The following SPRED2 variants were observed in gnomAD, a reference collection of about 807,000 sequenced individuals.
SPRED2 encodes sprouty related EVH1 domain containing 2.
SPRED2 carries 47 observed loss-of-function variants against 43.0 expected under a neutral mutation model. The ratio of observed to expected loss-of-function variants is 1.09; its 90% CI spans 0.87 to 1.40. The LOEUF (loss-of-function observed/expected upper bound fraction) is 1.40, where lower values mean the gene tolerates loss of function less well. Ranked by LOEUF, SPRED2 falls within the 40% of genes most tolerant of loss-of-function variation. SPRED2 has a pLI of 0.00. For synonymous variants in SPRED2, 225 were observed against 225.7 expected, an observed-to-expected ratio of 1.00 and a Z score of 0.03; for missense variants, 561 against 586.4, an observed-to-expected ratio of 0.96 and a Z score of 0.45.
intron 4 of SPRED2, among the ~76,000 whole-genome samples, chr2:65,326,032 T>C (rs1673603847): frequency 6.6e-6 from 1 of 152,168 alleles, no homozygotes; most frequent in African/African-American, 2.4e-5. Flanking sequence ...GTAGAATTTC[T>C]GCCTTGTCTG....
intron 1 of SPRED2, among the ~76,000 whole-genome samples, chr2:65,424,408 C>T (rs1389096351): frequency 6.6e-6 from 1 of 152,078 alleles, no homozygotes; most frequent in African/African-American, 2.4e-5. Context: ...CAATTGATAA[C>T]TGTTTACAGA....
intron 1 of SPRED2, among the ~76,000 whole-genome samples, chr2:65,429,529 C>T (rs1339053781): frequency 6.6e-6 from 1 of 152,120 alleles, no homozygotes; most frequent in East Asian, 1.9e-4. Context: ...AATAAAACAA[C>T]AAAAAAGCAA....
intron 1 of SPRED2, among the ~76,000 whole-genome samples, chr2:65,430,277 A>G (rs1353589774): frequency 2.0e-5 from 3 of 152,224 alleles, no homozygotes; most frequent in Admixed American, 2.0e-4. Flanking sequence ...CGTCTGAAAT[A>G]GAAACACCAG....
chr2:65,426,692 T>TG (rs1307255367), intron 1 of SPRED2, among the ~76,000 whole-genome samples: 2 of 152,156 alleles, frequency 1.3e-5, no homozygotes, highest in Non-Finnish European at 2.9e-5. Flanking sequence ...CAGAGATGGC[T>TG]GGGGGCATGA....
intron 1 of SPRED2, among the ~76,000 whole-genome samples, chr2:65,356,714 G>A (rs769550088): frequency 9.2e-5 from 14 of 151,800 alleles, no homozygotes; most frequent in South Asian, 2.1e-4. Flanking sequence ...TTCTCTGGCC[G>A]GGCGCGGTGG....
intron 1 of SPRED2, among the ~76,000 whole-genome samples, chr2:65,351,584 C>A (rs1674511331): frequency 6.6e-6 from 1 of 152,222 alleles, no homozygotes; most frequent in Admixed American, 6.5e-5. Context: ...GGGAGCCAGG[C>A]ACACTCACTT....
At chr2:65,329,093 G>A (rs1244030694) in intron 4 of SPRED2, among the ~76,000 whole-genome samples, 2 of 152,188 alleles carry the variant, frequency 1.3e-5, no homozygotes, top group Non-Finnish European at 2.9e-5. Context: ...GACAACACCT[G>A]AGGTGGATGG....
At chr2:65,346,762 G>C (rs754195622) in intron 1 of SPRED2, among the ~76,000 whole-genome samples, 61 of 152,044 alleles carry the variant, frequency 4.0e-4, no homozygotes, top group Admixed American at 7.2e-4. Flanking sequence ...CCTCCCTCCA[G>C]TGCTTCTGAA....
intron 1 of SPRED2, among the ~76,000 whole-genome samples, chr2:65,405,564 A>G (rs867814534): frequency 6.6e-6 from 1 of 152,166 alleles, no homozygotes; most frequent in East Asian, 1.9e-4. Flanking sequence ...AACTCCCCCA[A>G]TTAAGTCCAA....
At chr2:65,419,491 G>T (rs1334878050) in intron 1 of SPRED2, among the ~76,000 whole-genome samples, 1 of 152,008 alleles carries the variant, frequency 6.6e-6, no homozygotes, top group African/African-American at 2.4e-5. Flanking sequence ...CCAGAATGCG[G>T]TTCATAACAA....
chr2:65,331,295 C>T (rs1196076454), intron 4 of SPRED2, among the ~76,000 whole-genome samples: 2 of 152,114 alleles, frequency 1.3e-5, no homozygotes, highest in Non-Finnish European at 2.9e-5. Flanking sequence ...AAATGCTGTC[C>T]CGCGTAACTT....
At chr2:65,379,012 A>G (rs900831956) in intron 1 of SPRED2, among the ~76,000 whole-genome samples, 2 of 152,098 alleles carry the variant, frequency 1.3e-5, no homozygotes, top group African/African-American at 4.8e-5. Flanking sequence ...TGGCCTGATT[A>G]TCTGTCTCTC....
intron 4 of SPRED2, among the ~76,000 whole-genome samples, chr2:65,331,178 A>G (rs1673802021): frequency 6.6e-6 from 1 of 152,166 alleles, no homozygotes; most frequent in African/African-American, 2.4e-5. Flanking sequence ...CACTTTGAGA[A>G]GCTGAAGTTG....
intron 1 of SPRED2, among the ~76,000 whole-genome samples, chr2:65,384,862 C>A (rs938572159): frequency 1.3e-5 from 2 of 152,206 alleles, no homozygotes; most frequent in Non-Finnish European, 2.9e-5. Flanking sequence ...TTGTTCATTG[C>A]CTGTTCATTT....
At position 65,313,150 on chromosome 2, in the gene SPRED2, G is replaced by A; in HGVS notation, c.*351C>T. The stretch of plus-strand genomic sequence containing the variant: ...AGCAGTTCCAATTGCAGACTCCTTT[G>A]AACTGGAAGAGGCGGGGGAGGAGGA... On this transcript the variant is annotated 3_prime_UTR_variant, in exon 6 of 6. Transcript: ENST00000356388. 1 of 1,025,274 alleles carries A rather than the reference G, an allele frequency of 9.8e-7. No individual in the cohort carries two copies. Among genetic ancestry groups the A allele is most frequent in the Non-Finnish European group, 1.2e-6 (1 of 856,554 alleles). 63.5% of individuals were successfully genotyped at this position (1,025,274 alleles called of 1,614,324 possible).
intron 1 of SPRED2, among the ~76,000 whole-genome samples, chr2:65,427,362 T>A (rs1181549287): frequency 6.6e-6 from 1 of 152,202 alleles, no homozygotes; most frequent in Non-Finnish European, 1.5e-5. Context: ...TTCTGAGGAA[T>A]AAATCAAGAT....
chr2:65,384,691 GA>G (rs1420715597), intron 1 of SPRED2, among the ~76,000 whole-genome samples: 1 of 152,116 alleles, frequency 6.6e-6, no homozygotes, highest in Non-Finnish European at 1.5e-5. Context: ...TCACTCCAGT[GA>G]AACTCATCCT....
chr2:65,311,395 G>A lies in SPRED2; in HGVS notation c.*2106C>T, dbSNP rs924538546. On this transcript the variant is annotated 3_prime_UTR_variant, in exon 6 of 6. Coordinates refer to ENST00000356388, the MANE Select transcript of SPRED2 (RefSeq NM_181784.3). ...TGGAAAAGGACAAGGGGTGAAAGAA[G>A]AGAGAAACAGGTAACAACTAAATAG... 4.1e-6 allele frequency: 4 copies of A among 985,786 alleles called. No homozygotes were observed. The highest frequency in any genetic ancestry group is 3.6e-6 in the Non-Finnish European group (3 of 829,948). The allele number at this position is 985,786 out of a possible 1,614,324, so 61.1% of individuals were successfully genotyped here. A position where few individuals can be genotyped will look rare whatever the true frequency, so the allele number is the denominator to read the frequency against.
At chr2:65,417,333 C>T (rs1676309200) in intron 1 of SPRED2, among the ~76,000 whole-genome samples, 1 of 152,204 alleles carries the variant, frequency 6.6e-6, no homozygotes, top group South Asian at 2.1e-4. Context: ...AAGGACCCAC[C>T]TTCTCTCTCC....
Sources: gnomAD v4.1 joint callset for allele counts (sites outside exome capture counted in the v4.1 genomes callset) on GRCh38, gnomAD v4.1.1 for gene constraint, MANE v1.5 for transcripts, NCBI Gene and HGNC (gene_info 2026-07-23, HGNC 2026-07-21) for gene names.